Variants in RPA1 observed in about 807,000 individuals in gnomAD.
The protein encoded by RPA1 is replication protein A 70 kDa DNA-binding subunit.
Under a neutral mutation model 83.0 loss-of-function variants are expected in RPA1, and 49 were observed. The ratio of observed to expected loss-of-function variants is 0.59; its 90% confidence interval spans 0.47 to 0.75. The LOEUF (loss-of-function observed/expected upper bound fraction) is 0.75, where lower values mean the gene tolerates loss of function less well. RPA1 is among the 30% of genes least tolerant of loss of function. RPA1 has a pLI of 0.00. For synonymous variants in RPA1, 279 were observed against 281.8 expected (o/e 0.99, Z 0.10); for missense variants, 693 against 776.1 (o/e 0.89, Z 1.27).
At chr17:1,832,884 TTGA>T (rs1222419087) in intron 1 of RPA1, among the ~76,000 whole-genome samples, 1 of 152,212 alleles carries the variant, frequency 6.6e-6, no homozygotes, top group Non-Finnish European at 1.5e-5. Context: ...TTTATGTTTG[TTGA>T]TTTATCAGTT....
Position 1,870,822 on chromosome 17 carries a change from G to C in RPA1, c.362-1612G>C, listed in dbSNP as rs540811349. ...TCAGCAGGGGATTTTCTAGTTTAGTGGTTTTGGAGATGATAGAAGAGAGGG... is the reference window on the plus strand; with the variant it reads ...TCAGCAGGGGATTTTCTAGTTTAGTCGTTTTGGAGATGATAGAAGAGAGGG... On this transcript the variant is annotated intron_variant, in intron 5 of 16. Coordinates refer to ENST00000254719, the MANE Select transcript of RPA1 (RefSeq NM_002945.5). 1.6e-4 allele frequency among the ~76,000 whole-genome samples: 24 copies of C among 152,270 alleles called. No homozygotes were observed. In the South Asian group the frequency reaches 4.6e-3, roughly 29 times the overall value.
intron 5 of RPA1, among the ~76,000 whole-genome samples, chr17:1,860,004 G>A (rs1912881438): frequency 6.6e-6 from 1 of 152,126 alleles, no homozygotes; most frequent in Non-Finnish European, 1.5e-5. Flanking sequence ...GTAGAGATAG[G>A]GTTTCACCAT....
intron 5 of RPA1, among the ~76,000 whole-genome samples, chr17:1,857,583 C>A (rs1401253379): frequency 2.0e-5 from 3 of 151,704 alleles, no homozygotes; most frequent in Non-Finnish European, 4.4e-5. Flanking sequence ...TGGGCTCTCA[C>A]CAATGAAGAG....
intron 15 of RPA1, 65 bp downstream of exon 15, chr17:1,892,005 CCA>C: frequency 8.5e-7 from 1 of 1,173,064 alleles, no homozygotes; most frequent in East Asian, 2.5e-5. Flanking sequence ...AACACTGACC[CCA>C]CACATTTTTT....
chr17:1,896,008 A>T (rs1328816942), intron 16 of RPA1, among the ~76,000 whole-genome samples: 1 of 152,094 alleles, frequency 6.6e-6, no homozygotes, highest in African/African-American at 2.4e-5. Flanking sequence ...ATCAAACAGT[A>T]TTGAGCATGG....
In RPA1 at chr17:1,895,059, C is replaced by T. The variant is rs1490160111; in HGVS notation, c.1710C>T (p.Phe570=). The change falls in exon 16 of 17, where the codon TTC becomes TTT. Residue 570 remains phenylalanine, a synonymous_variant. Coordinates refer to ENST00000254719, the MANE Select transcript of RPA1 (RefSeq NM_002945.5). Reference sequence around the variant, plus strand: ...TCCAGAATGCCAACTTCCGATCTTTCATATTCAGAGTCAGGGTCAAAGTGG... The same window carrying T: ...TCCAGAATGCCAACTTCCGATCTTTTATATTCAGAGTCAGGGTCAAAGTGG... ...EVFQNANFRS[F]IFRVRVKVET... 3.1e-6 allele frequency: 5 copies of T among 1,613,618 alleles called. No individual in the cohort carries two copies. In the South Asian group the frequency reaches 5.5e-5, roughly 18 times the overall value.
chr17:1,864,878 C>T (rs778429769), intron 5 of RPA1, among the ~76,000 whole-genome samples: 15 of 152,028 alleles, frequency 9.9e-5, no homozygotes, highest in Admixed American at 4.6e-4. Context: ...CCAGCCTGGG[C>T]GACAGAGTGA....
intron 7 of RPA1, among the ~76,000 whole-genome samples, chr17:1,876,735 T>C (rs1052618468): frequency 2.0e-5 from 3 of 152,200 alleles, no homozygotes; most frequent in African/African-American, 7.2e-5. Flanking sequence ...TTTCCATGCT[T>C]CTCTCTAAGG....
intron 3 of RPA1, among the ~76,000 whole-genome samples, 188 bp from the exon 4 acceptor site, chr17:1,844,390 C>A (rs554482800): frequency 6.6e-6 from 1 of 152,144 alleles, no homozygotes; most frequent in African/African-American, 2.4e-5. Flanking sequence ...CAAATTCACA[C>A]ATTTAAGAGT....
intron 5 of RPA1, among the ~76,000 whole-genome samples, chr17:1,861,027 C>G (rs753736938): frequency 6.6e-6 from 1 of 152,164 alleles, no homozygotes; most frequent in South Asian, 2.1e-4. Flanking sequence ...TCCCATCTGA[C>G]TGGTAGAAAC....
intron 6 of RPA1, 115 bp downstream of exon 6, chr17:1,872,641 T>C: frequency 7.2e-7 from 1 of 1,395,528 alleles, no homozygotes; most frequent in South Asian, 1.3e-5. Flanking sequence ...TACAGGGTTG[T>C]GTCTTGGAAA....
chr17:1,865,979 G>A (rs1423808985), intron 5 of RPA1, among the ~76,000 whole-genome samples: 2 of 152,040 alleles, frequency 1.3e-5, no homozygotes, highest in African/African-American at 2.4e-5. Context: ...GGTGGCCCCC[G>A]CCTGTAATCC....
intron 4 of RPA1, among the ~76,000 whole-genome samples, chr17:1,848,868 C>G (rs1912366569): frequency 6.6e-6 from 1 of 151,770 alleles, no homozygotes; most frequent in Admixed American, 6.6e-5. Context: ...CCAGCCTGTT[C>G]CTTTTTATGG....
chr17:1,839,351 G>A (rs1160661131), intron 1 of RPA1, among the ~76,000 whole-genome samples: 1 of 150,990 alleles, frequency 6.6e-6, no homozygotes, highest in Non-Finnish European at 1.5e-5. Context: ...TTTTGAGATG[G>A]AGTCTAGCTC....
rs557254461 is a variant in RPA1 at position 1,870,651 on chromosome 17, A to T, written c.362-1783A>T. Among the ~76,000 whole-genome samples the T allele has an allele frequency of 3.3e-5, 5 of 152,250 alleles. No homozygotes were observed. In the South Asian group the frequency reaches 8.3e-4, roughly 25 times the overall value. Reference sequence around the variant, plus strand: ...TCCCCACTCCCGCCATTCTCTGGTGACCCCTCTTCTACTTTCTGTCCCTGG... The same window carrying T: ...TCCCCACTCCCGCCATTCTCTGGTGTCCCCTCTTCTACTTTCTGTCCCTGG... On this transcript the variant is annotated intron_variant, in intron 5 of 16. Transcript: ENST00000254719.
At chr17:1,862,402 G>C (rs1028933017) in intron 5 of RPA1, among the ~76,000 whole-genome samples, 2 of 132,246 alleles carry the variant, frequency 1.5e-5, no homozygotes, top group African/African-American at 5.1e-5. Context: ...TGTTAATATC[G>C]ATTAGCTCAA....
intron 5 of RPA1, among the ~76,000 whole-genome samples, chr17:1,870,164 C>G (rs909719732): frequency 9.9e-5 from 15 of 152,136 alleles, no homozygotes; most frequent in Non-Finnish European, 7.3e-5. Context: ...GTGTCTACAT[C>G]CTAGGGCTGG....
In RPA1 at chr17:1,884,279, T is replaced by G. The variant is rs958054207; in HGVS notation, c.1374+335T>G. 6.6e-6 allele frequency among the ~76,000 whole-genome samples: 1 copy of G among 152,188 alleles called. No homozygotes were observed. The highest frequency in any genetic ancestry group is 2.4e-5 in the African/African-American group (1 of 41,440). Reference sequence around the variant, plus strand: ...CACGTTTCTTTCCTGTGATCCTTCCTGCAAATTTAAGCGCCCACATATCAA... The same window carrying G: ...CACGTTTCTTTCCTGTGATCCTTCCGGCAAATTTAAGCGCCCACATATCAA... On this transcript the variant is annotated intron_variant, in intron 13 of 16. Transcript: ENST00000254719. This position sits in a 1 kb window ranked among gnomAD's most constrained non-coding sequence, Gnocchi z 4.1.
chr17:1,845,381 A>G (rs1447509606), intron 4 of RPA1, among the ~76,000 whole-genome samples: 1 of 151,348 alleles, frequency 6.6e-6, no homozygotes, highest in Non-Finnish European at 1.5e-5. Context: ...AAAAAAAAAA[A>G]GTTAAATTAG....
Sources: allele counts gnomAD v4.1 joint callset (sites outside exome capture counted in the v4.1 genomes callset), GRCh38; gene constraint gnomAD v4.1.1; non-coding constraint Gnocchi (gnomAD v3.1); transcripts MANE v1.5; gene names NCBI Gene and HGNC (gene_info 2026-07-23, HGNC 2026-07-21).